The following CKAP2L variants were observed in gnomAD, a reference collection of about 807,000 sequenced individuals.
The protein encoded by CKAP2L is cytoskeleton associated protein 2L, also known as cytoskeleton-associated protein 2-like.
CKAP2L carries 42 observed loss-of-function variants against 65.7 expected under a neutral mutation model. That is an observed-to-expected ratio of 0.64 (90% confidence interval 0.50 to 0.83). The LOEUF is 0.83. CKAP2L is among the 40% of genes least tolerant of loss of function. The pLI is 0.00. For missense variants in CKAP2L, 908 were observed against 871.0 expected (o/e 1.04, Z -0.53); for synonymous variants, 325 against 313.5 (o/e 1.04, Z -0.39).
chr2:112,756,012 T>C lies in CKAP2L; in HGVS notation c.1359A>G (p.Pro453=). 10 of 1,594,348 alleles carry C rather than the reference T, an allele frequency of 6.3e-6. No homozygotes were observed. Among genetic ancestry groups the C allele is most frequent in the Non-Finnish European group, 8.5e-6 (10 of 1,173,084 alleles). Residue 453 remains proline (P), a synonymous_variant, in exon 4 of 9, where the codon CCA becomes CCG. Coordinates refer to ENST00000302450, the MANE Select transcript of CKAP2L (RefSeq NM_152515.5). ...CTGCTGTTGCCTTCTTTTTAATATT[T>C]GGGTTTGTTTGGGTCCCATTTACGG... ...VTTVNGTQTN[P]NIKKKATAED...
In CKAP2L at chr2:112,737,179, A is replaced by G. The variant is rs1014499207; in HGVS notation, c.*1644T>C. ...TGACCTCAGGTGATTCACCCACTCCAAAGTGCTGGGATTACAGGTGTGAGT... is the reference window on the plus strand; with the variant it reads ...TGACCTCAGGTGATTCACCCACTCCGAAGTGCTGGGATTACAGGTGTGAGT... On this transcript the variant is annotated 3_prime_UTR_variant, in exon 9 of 9. Coordinates refer to ENST00000302450, the MANE Select transcript of CKAP2L (RefSeq NM_152515.5). 3.3e-5 allele frequency: 5 copies of G among 152,320 alleles called. No homozygotes were observed. Among genetic ancestry groups the G allele is most frequent in the African/African-American group, 1.2e-4 (5 of 41,566 alleles). The allele number at this position is 152,320 out of a possible 1,614,324, so 9.4% of individuals were successfully genotyped here.
At chr2:112,763,009 T>C (rs888301738) in intron 1 of CKAP2L, among the ~76,000 whole-genome samples, 3 of 152,162 alleles carry the variant, frequency 2.0e-5, no homozygotes, top group East Asian at 1.9e-4. Context: ...TGGTCTCAAA[T>C]TCCTGAGCTC....
At chr2:112,739,977 G>A (rs1679778050) in intron 8 of CKAP2L, among the ~76,000 whole-genome samples, 1 of 151,438 alleles carries the variant, frequency 6.6e-6, no homozygotes, top group African/African-American at 2.4e-5. Context: ...TTTTTGAGAT[G>A]GAGTTTCACT....
intron 4 of CKAP2L, among the ~76,000 whole-genome samples, chr2:112,753,924 G>A (rs1263784969): frequency 6.6e-6 from 1 of 152,126 alleles, no homozygotes; most frequent in East Asian, 1.9e-4. Context: ...GCAATTACCT[G>A]TAATTACCGT....
intron 5 of CKAP2L, among the ~76,000 whole-genome samples, chr2:112,750,430 T>C (rs140510628): frequency 4.6e-5 from 7 of 152,312 alleles, no homozygotes; most frequent in African/African-American, 1.4e-4. Flanking sequence ...TTTAACAATG[T>C]AGCTCCCTTG....
rs150449596 is a variant in CKAP2L, at chr2:112,747,607, G to A, written c.1603-1032C>T. Reference sequence around the variant, plus strand: ...GTTTGGTTCCCTTCTGGCTTGTGCCGTAAGCAGGACAGTGACATGGACCCA... The same window carrying A: ...GTTTGGTTCCCTTCTGGCTTGTGCCATAAGCAGGACAGTGACATGGACCCA... On this transcript the variant is annotated intron_variant, in intron 5 of 8. Coordinates refer to ENST00000302450, the MANE Select transcript of CKAP2L (RefSeq NM_152515.5). Among the ~76,000 whole-genome samples the A allele has an allele frequency of 7.2e-4, 109 of 152,098 alleles. 1 individual carries two copies. The highest frequency in any genetic ancestry group is 1.1e-3 in the Non-Finnish European group (77 of 68,026).
chr2:112,742,832 A>G, intron 6 of CKAP2L, 63 bp from the exon 7 acceptor site: 1 of 1,078,720 alleles, frequency 9.3e-7, no homozygotes, highest in Non-Finnish European at 1.4e-6. Flanking sequence ...TTTGCTAAGG[A>G]ACTTTAACTT....
chr2:112,762,611 A>G (rs1214903475), intron 1 of CKAP2L, 42 bp from the exon 2 acceptor site: 10 of 1,516,008 alleles, frequency 6.6e-6, no homozygotes, highest in Non-Finnish European at 9.2e-6. Flanking sequence ...ACTTTAGTTC[A>G]AGATTTTAAC....
At chr2:112,757,446 G>C (rs1481168160) in intron 3 of CKAP2L, among the ~76,000 whole-genome samples, 2 of 136,678 alleles carry the variant, frequency 1.5e-5, no homozygotes, top group African/African-American at 2.8e-5. Context: ...CTGGTGTGCA[G>C]TGATGCAATC....
chr2:112,746,598 G>A (rs2104868495), intron 5 of CKAP2L, 23 bp from the exon 6 acceptor site: 1 of 1,555,710 alleles, frequency 6.4e-7, no homozygotes, highest in South Asian at 1.1e-5. Context: ...AAAATATCCA[G>A]AGGTAATTAT....
chr2:112,757,533 C>T (rs969176729), intron 3 of CKAP2L, among the ~76,000 whole-genome samples: 1 of 151,748 alleles, frequency 6.6e-6, no homozygotes, highest in African/African-American at 2.4e-5. Flanking sequence ...GGACTACAGG[C>T]GCATGTCACT....
rs550722223 is a variant in CKAP2L at position 112,755,899 on chromosome 2, T to C, written c.1394+78A>G. ...CTTAGGAGCCATTATTTATGGCCTA[T>C]TTCCTGACCTAGTCTTCTTGATGGT... On this transcript the variant is annotated intron_variant, in intron 4 of 8. Transcript: ENST00000302450. 16 of 1,385,130 alleles carry C rather than the reference T, an allele frequency of 1.2e-5. No homozygotes were observed. In the Admixed American group the frequency reaches 1.7e-4, roughly 15 times the overall value. The allele number at this position is 1,385,130 out of a possible 1,614,324, so 85.8% of individuals were successfully genotyped here. A position where few individuals can be genotyped will look rare whatever the true frequency, so the allele number is the denominator to read the frequency against.
chr2:112,741,069 C>G (rs1040574127), intron 7 of CKAP2L, 62 bp from the exon 8 acceptor site: 3 of 1,086,480 alleles, frequency 2.8e-6, no homozygotes, highest in Non-Finnish European at 4.1e-6. Context: ...AACTAGAAGT[C>G]AATAACATGA....
chr2:112,753,485 T>A (rs879403337), intron 4 of CKAP2L, among the ~76,000 whole-genome samples: 1 of 150,578 alleles, frequency 6.6e-6, no homozygotes, highest in African/African-American at 2.4e-5. Flanking sequence ...TCCCTGTCAC[T>A]CACCCCCTCC....
Position 112,756,154 on chromosome 2 carries a change from T to C in CKAP2L, c.1217A>G (p.His406Arg). 3.1e-6 allele frequency: 5 copies of C among 1,614,156 alleles called. No individual in the cohort carries two copies. Among genetic ancestry groups the C allele is most frequent in the Non-Finnish European group, 4.2e-6 (5 of 1,180,014 alleles). Residue 406 changes from histidine to arginine, a missense_variant, in exon 4 of 9, where the codon CAT becomes CGT. Transcript: ENST00000302450. ...TTTTTGCTGAAAGCCATTATTGTTA[T>C]GTTTATTACCACTGGTTCCATTTGG... ...IRPNGTSGNK[H>R]NNNGFQQKAQ...
At chr2:112,758,624 T>C (rs576314013) in intron 3 of CKAP2L, among the ~76,000 whole-genome samples, 1 of 152,320 alleles carries the variant, frequency 6.6e-6, no homozygotes, top group East Asian at 1.9e-4. Flanking sequence ...CCAACATTTA[T>C]ATACACCTCG....
In CKAP2L at chr2:112,736,453, A is replaced by G. The variant is rs984412433; in HGVS notation, c.*2370T>C. On this transcript the variant is annotated 3_prime_UTR_variant, in exon 9 of 9. Transcript: ENST00000302450. ...GGCTGCTATAGTGAAGCAGATTAAC[A>G]TTATCATCTCAGTTTTTTTGTGATA... Among the ~76,000 whole-genome samples the G allele has an allele frequency of 2.1e-5, 3 of 142,784 alleles. No individual in the cohort carries two copies. The East Asian group carries it at 5.8e-4, about 27-fold the overall frequency. 93.7% of individuals were successfully genotyped at this position (142,784 alleles called of 152,430 possible). A position where few individuals can be genotyped will look rare whatever the true frequency, so the allele number is the denominator to read the frequency against.
In CKAP2L at chr2:112,756,938, C is replaced by G. The variant is rs780921901; in HGVS notation, c.433G>C (p.Glu145Gln). 6 of 1,614,210 alleles carry G rather than the reference C, an allele frequency of 3.7e-6. No homozygotes were observed. In the African/African-American group the frequency reaches 5.3e-5, roughly 14 times the overall value. ...TGCTGCTTTGTAGTTTTCAATTGCT[C>G]TATATTAAGTGACCCCACAGGTTTT... ...SRKPVGSLNI[E>Q]QLKTTKQQLT... Residue 145 changes from glutamate to glutamine, a missense_variant, in exon 4 of 9, where the codon GAG (glutamate) becomes CAG (glutamine). By Grantham distance (29) the Glu-to-Gln change is conservative. Coordinates refer to ENST00000302450, the MANE Select transcript of CKAP2L (RefSeq NM_152515.5).
At position 112,750,777 on chromosome 2, in the gene CKAP2L, AC is replaced by A. The variant is rs1348396645; in HGVS notation, c.1602+1489del. Among the ~76,000 whole-genome samples the A allele has an allele frequency of 5.9e-5, 9 of 151,650 alleles. No individual in the cohort carries two copies. The East Asian group carries it at 1.7e-3, about 29-fold the overall frequency. On this transcript the variant is annotated intron_variant, in intron 5 of 8. Coordinates refer to ENST00000302450, the MANE Select transcript of CKAP2L (RefSeq NM_152515.5). ...AATTCAGAGGCAAATCTGCTATAGC[AC>A]TGAACATATTTATAAAAAAAAAAAA... is the stretch of plus-strand genomic sequence containing the variant.
Sources: allele counts gnomAD v4.1 joint callset (sites outside exome capture counted in the v4.1 genomes callset), GRCh38; gene constraint gnomAD v4.1.1; transcripts MANE v1.5; gene names NCBI Gene and HGNC (gene_info 2026-07-23, HGNC 2026-07-21).